SCUBE3: variants seen among roughly 807,000 people sequenced by gnomAD.
SCUBE3 encodes signal peptide, CUB domain and EGF like domain containing 3.
A neutral mutation model predicts 116.8 loss-of-function variants in SCUBE3; 33 were observed. That is an observed-to-expected ratio of 0.28 (90% CI 0.21 to 0.38). The LOEUF (loss-of-function observed/expected upper bound fraction) is 0.38, where lower values mean the gene tolerates loss of function less well. Among genes scored for constraint, SCUBE3 ranks in the 10% least tolerant of loss-of-function variants. The pLI, the probability that SCUBE3 is intolerant of heterozygous loss-of-function variation, is 1.00. For synonymous variants in SCUBE3, 418 were observed against 496.9 expected (o/e 0.84, Z 2.11); for missense variants, 1,007 against 1,324.8 (o/e 0.76, Z 3.72).
Position 35,235,528 on chromosome 6 carries a change from G to GGA in SCUBE3, c.712+2228_712+2229insAG. On this transcript the variant is annotated intron_variant, in intron 6 of 21. Transcript: ENST00000274938. The surrounding 1 kb of genome is among the most constrained non-coding windows in gnomAD (Gnocchi z 4.5). ...TCTGCTCTCTCCGCTTGCTCTCACT[G>GGA]GCTTGCTAGGGGAAGGGCTAACCCG... The GGA allele has an allele frequency of 8.3e-7, 1 of 1,207,974 alleles. No homozygotes were observed. Among genetic ancestry groups the GGA allele is most frequent in the Non-Finnish European group, 1.1e-6 (1 of 914,254 alleles). 74.8% of individuals were successfully genotyped at this position (1,207,974 alleles called of 1,614,324 possible).
chr6:35,218,043 C>A, intron 1 of SCUBE3: 2 of 620,628 alleles, frequency 3.2e-6, no homozygotes, highest in Non-Finnish European at 4.0e-6. Flanking sequence ...GACTAGAAGA[C>A]ACTAAGGCCA....
intron 2 of SCUBE3, 100 bp downstream of exon 2, chr6:35,227,802 A>C: frequency 7.8e-7 from 1 of 1,277,126 alleles, no homozygotes. Flanking sequence ...CAAGGCTAGA[A>C]ATTCCACTGG....
In SCUBE3 at chr6:35,239,906, A is replaced by C; in HGVS notation, c.952+32A>C. Reference sequence around the variant, plus strand: ...AGACTCAGCCAAAGGTGAAAGCCTTAGGAGAGGTTCTTGTGGGAGAGCTTC... The same window carrying C: ...AGACTCAGCCAAAGGTGAAAGCCTTCGGAGAGGTTCTTGTGGGAGAGCTTC... On this transcript the variant is annotated intron_variant, in intron 8 of 21. Coordinates refer to ENST00000274938, the MANE Select transcript of SCUBE3 (RefSeq NM_152753.4). The surrounding 1 kb of genome is among the most constrained non-coding windows in gnomAD (Gnocchi z 4.1). The C allele has an allele frequency of 6.4e-7, 1 of 1,555,718 alleles. No homozygotes were observed. Among genetic ancestry groups the C allele is most frequent in the Non-Finnish European group, 8.6e-7 (1 of 1,156,506 alleles).
intron 6 of SCUBE3, among the ~76,000 whole-genome samples, chr6:35,236,421 C>T (rs1783774078): frequency 6.6e-6 from 1 of 152,212 alleles, no homozygotes; most frequent in Non-Finnish European, 1.5e-5. Context: ...TGCTCCTGGG[C>T]TTAGTGGACC....
rs2150294356 is a variant in SCUBE3 at position 35,228,798 on chromosome 6, A to AG, written c.334+60dup. Reference sequence around the variant, plus strand: ...GTCTTGTGGAGAAAGAGATCTTTTCAGCATTTCCTATTTCCCAGGGAAGGA... The same window carrying AG: ...GTCTTGTGGAGAAAGAGATCTTTTCAGGCATTTCCTATTTCCCAGGGAAGGA... On this transcript the variant is annotated intron_variant, in intron 3 of 21. Transcript: ENST00000274938. The surrounding 1 kb of genome is among the most constrained non-coding windows in gnomAD (Gnocchi z 4.9). 1 of 1,554,508 alleles carries AG rather than the reference A, an allele frequency of 6.4e-7. No individual in the cohort carries two copies. Among genetic ancestry groups the AG allele is most frequent in the African/African-American group, 1.4e-5 (1 of 73,924 alleles).
Position 35,235,707 on chromosome 6 carries a change from C to T in SCUBE3, c.713-2195C>T, listed in dbSNP as rs531558315. Among the ~76,000 whole-genome samples, 4 of 152,198 alleles carry T rather than the reference C, an allele frequency of 2.6e-5. No homozygotes were observed. Among genetic ancestry groups the T allele is most frequent in the African/African-American group, 9.6e-5 (4 of 41,526 alleles). ...GGCCCGGGAGCTTTCATGTTGGTCT[C>T]GTCTTTGTTCCTGTCACTCTCCTTC... On this transcript the variant is annotated intron_variant, in intron 6 of 21. Coordinates refer to ENST00000274938, the MANE Select transcript of SCUBE3 (RefSeq NM_152753.4). This position sits in a 1 kb window ranked among gnomAD's most constrained non-coding sequence, Gnocchi z 4.5.
intron 1 of SCUBE3, chr6:35,222,651 A>G (rs1274643812): frequency 6.6e-6 from 1 of 152,208 alleles, no homozygotes; most frequent in African/African-American, 2.4e-5. Context: ...CTAGCCTTCA[A>G]AAAGAATTGT....
rs1399579996 is a variant in SCUBE3 at position 35,242,756 on chromosome 6, G to C, written c.1669G>C (p.Glu557Gln). 1 of 1,613,976 alleles carries C rather than the reference G, an allele frequency of 6.2e-7. No homozygotes were observed. The highest frequency in any genetic ancestry group is 1.7e-5 in the Admixed American group (1 of 60,026). The change falls in exon 14 of 22, where the codon GAG (glutamate) becomes CAG (glutamine). Residue 557 changes from glutamate to glutamine, a missense_variant. By Grantham distance (29) the Glu-to-Gln change is conservative. Around this residue, in one of 5 missense-constraint regions of SCUBE3, gnomAD observed 544 missense variants for 638.9 expected, o/e 0.85. Coordinates refer to ENST00000274938, the MANE Select transcript of SCUBE3 (RefSeq NM_152753.4). ...VTRLTLELEA[E>Q]VRAEETTASC... ...AAGGCTCACCCTGGAACTGGAGGCA[G>C]AGGTCAGAGCCGAAGAAACCACAGG...
In SCUBE3 at chr6:35,235,218, G is replaced by A. The variant is rs972574530; in HGVS notation, c.712+1917G>A. ...GCACATGGTTGGTTGCCCTTTCTGA[G>A]ACTGTTTCAGTTTTTCAGTCACTTG... On this transcript the variant is annotated intron_variant, in intron 6 of 21. Coordinates refer to ENST00000274938, the MANE Select transcript of SCUBE3 (RefSeq NM_152753.4). This position sits in a 1 kb window ranked among gnomAD's most constrained non-coding sequence, Gnocchi z 4.5. Among the ~76,000 whole-genome samples the A allele has an allele frequency of 1.3e-5, 2 of 152,194 alleles. No homozygotes were observed. Among genetic ancestry groups the A allele is most frequent in the Non-Finnish European group, 2.9e-5 (2 of 68,032 alleles).
At chr6:35,236,823 A>G (rs549284883) in intron 6 of SCUBE3, among the ~76,000 whole-genome samples, 1 of 152,310 alleles carries the variant, frequency 6.6e-6, no homozygotes, top group East Asian at 1.9e-4. Flanking sequence ...CTCTAATGGG[A>G]GAATTCTAGT....
At chr6:35,242,831 T>C in intron 14 of SCUBE3, 51 bp downstream of exon 14, 2 of 1,595,824 alleles carry the variant, frequency 1.3e-6, no homozygotes, top group Non-Finnish European at 1.7e-6. Flanking sequence ...AGGGCAGAGG[T>C]GGGGAAACCA....
intron 1 of SCUBE3, among the ~76,000 whole-genome samples, chr6:35,227,332 G>A (rs1180275014): frequency 2.0e-5 from 3 of 152,148 alleles, no homozygotes; most frequent in African/African-American, 7.2e-5. Context: ...GGAGTGTTTC[G>A]AATGATGGAG....
At chr6:35,230,681 C>A (rs973978175) in intron 3 of SCUBE3, among the ~76,000 whole-genome samples, 1 of 152,212 alleles carries the variant, frequency 6.6e-6, no homozygotes, top group Non-Finnish European at 1.5e-5. Context: ...CACCTTAGCT[C>A]TTCCAACAGG....
Position 35,228,714 on chromosome 6 carries a change from G to A in SCUBE3, c.309G>A (p.Leu103=). The stretch of plus-strand genomic sequence containing the variant: ...GTACCTGCTATGATGGATTCCACCT[G>A]GCACATGACGGACACAACTGTCTGG... ...YRCTCYDGFH[L]AHDGHNCLDV... is the part of the protein sequence containing the mutation. The change falls in exon 3 of 22, where the codon CTG becomes CTA. Residue 103 remains leucine, a synonymous_variant. Coordinates refer to ENST00000274938, the MANE Select transcript of SCUBE3 (RefSeq NM_152753.4). The surrounding 1 kb of genome is among the most constrained non-coding windows in gnomAD (Gnocchi z 4.9). The A allele has an allele frequency of 6.2e-7, 1 of 1,614,104 alleles. No individual in the cohort carries two copies. Among genetic ancestry groups the A allele is most frequent in the Non-Finnish European group, 8.5e-7 (1 of 1,179,962 alleles).
intron 1 of SCUBE3, among the ~76,000 whole-genome samples, chr6:35,215,229 A>G (rs1782837264): frequency 6.6e-6 from 1 of 152,198 alleles, no homozygotes. Context: ...GCATTAAAAT[A>G]ACAAAGTAGA....
chr6:35,243,570 CT>C lies in SCUBE3; in HGVS notation c.1910-23del. 1 of 1,562,208 alleles carries C rather than the reference CT, an allele frequency of 6.4e-7. No individual in the cohort carries two copies. Among genetic ancestry groups the C allele is most frequent in the South Asian group, 1.2e-5 (1 of 85,328 alleles). On this transcript the variant is annotated intron_variant, in intron 15 of 21. Transcript: ENST00000274938. The surrounding 1 kb of genome is among the most constrained non-coding windows in gnomAD (Gnocchi z 6.6). ...TGGTGGGAAATGCGGGGGTGGGTGG[CT>C]AGCGCGGCCGACTCTCCCTCAGTCA... is the stretch of plus-strand genomic sequence containing the variant.
At chr6:35,248,447 A>G in intron 21 of SCUBE3, 109 bp from the exon 22 acceptor site, 1 of 1,030,700 alleles carries the variant, frequency 9.7e-7, no homozygotes, top group Non-Finnish European at 1.5e-6. Flanking sequence ...CTCTGGATAT[A>G]TTCAGTATAG....
chr6:35,242,624 G>A lies in SCUBE3; in HGVS notation c.1537G>A (p.Gly513Ser), dbSNP rs1562057129. 5 of 1,607,800 alleles carry A rather than the reference G, an allele frequency of 3.1e-6. No homozygotes were observed. In the East Asian group the frequency reaches 6.7e-5, roughly 22 times the overall value. Reference protein sequence around the residue: ...EEAGRITGPGGAPCSECQVTF... With the variant: ...EEAGRITGPGSAPCSECQVTF... ...GGTTGACAAGCCCTCTCTCCCAGGTGGTGCCCCCTGCTCTGAATGCCAGGT... is the reference window on the plus strand; with the variant it reads ...GGTTGACAAGCCCTCTCTCCCAGGTAGTGCCCCCTGCTCTGAATGCCAGGT... The change falls in exon 14 of 22, where the codon GGT becomes AGT. Residue 513 changes from glycine (G) to serine (S), a missense_variant and splice_region_variant. Physicochemically the swap from Gly to Ser is moderately conservative, Grantham distance 56. Coordinates refer to ENST00000274938, the MANE Select transcript of SCUBE3 (RefSeq NM_152753.4).
In SCUBE3 at chr6:35,243,001, A is replaced by G. The variant is rs1298916876; in HGVS notation, c.1694-20A>G. The G allele has an allele frequency of 1.2e-6, 2 of 1,610,890 alleles. No homozygotes were observed. The highest frequency in any genetic ancestry group is 1.7e-6 in the Non-Finnish European group (2 of 1,177,490). ...AGCAACTCTTTCTCCTCCCTGATACACACGGCCATCCACCACCAGCCAGCT... is the reference window on the plus strand; with the variant it reads ...AGCAACTCTTTCTCCTCCCTGATACGCACGGCCATCCACCACCAGCCAGCT... On this transcript the variant is annotated intron_variant, in intron 14 of 21. Transcript: ENST00000274938. The surrounding 1 kb of genome is among the most constrained non-coding windows in gnomAD (Gnocchi z 6.6).
Sources: gnomAD v4.1 joint callset for allele counts (sites outside exome capture counted in the v4.1 genomes callset) on GRCh38, gnomAD v4.1.1 for gene constraint, gnomAD v4.1.1 regional missense constraint, Gnocchi (gnomAD v3.1) non-coding constraint, MANE v1.5 for transcripts, NCBI Gene and HGNC (gene_info 2026-07-23, HGNC 2026-07-21) for gene names.